The following TRPM8 variants were observed in gnomAD, a reference collection of about 807,000 sequenced individuals.
TRPM8 encodes the protein TRPM8 cationic channel.
Under a neutral mutation model 133.7 loss-of-function variants are expected in TRPM8, and 110 were observed. The observed-to-expected ratio is 0.82, with a 90% CI of 0.70 to 0.96. The LOEUF (loss-of-function observed/expected upper bound fraction) is 0.96. TRPM8 is among the 40% of genes least tolerant of loss of function. The pLI is 0.00. For missense variants in TRPM8, 1,291 were observed against 1,379.5 expected (o/e 0.94, Z 1.02); for synonymous variants, 535 against 532.3 (o/e 1.01, Z -0.07).
chr2:233,953,238 C>T (rs984214178), intron 9 of TRPM8, among the ~76,000 whole-genome samples: 2 of 152,220 alleles, frequency 1.3e-5, no homozygotes, highest in East Asian at 1.9e-4. Context: ...CCAGCGGAGC[C>T]TCTGCAGTTC....
chr2:233,964,423 GTGCC>G (rs1691509148), intron 13 of TRPM8, among the ~76,000 whole-genome samples: 2 of 151,668 alleles, frequency 1.3e-5, no homozygotes, highest in South Asian at 2.1e-4. Context: ...ATGGTGGTGG[GTGCC>G]TATAATCCCA....
At chr2:233,942,478 C>A in intron 5 of TRPM8, 98 bp from the exon 6 acceptor site, 2 of 1,180,944 alleles carry the variant, frequency 1.7e-6, no homozygotes, top group South Asian at 1.3e-5. Flanking sequence ...TGTCCTGATG[C>A]CTACAGGGAT....
At chr2:234,004,723 A>G (rs555648261) in intron 22 of TRPM8, among the ~76,000 whole-genome samples, 13 of 152,382 alleles carry the variant, frequency 8.5e-5, no homozygotes, top group Non-Finnish European at 1.6e-4. Context: ...TTTGAAAAAT[A>G]TAGAAAAGCA....
chr2:233,920,318 G>GTCA (rs1221193194), intron 1 of TRPM8, among the ~76,000 whole-genome samples: 1 of 152,078 alleles, frequency 6.6e-6, no homozygotes, highest in Non-Finnish European at 1.5e-5. Context: ...CTCTATGGTG[G>GTCA]TCATTAAGAT....
intron 4 of TRPM8, among the ~76,000 whole-genome samples, chr2:233,938,598 C>T (rs1274081340): frequency 1.3e-5 from 2 of 152,018 alleles, no homozygotes; most frequent in Admixed American, 1.3e-4. Flanking sequence ...CGGGACAACT[C>T]GAAACGAGAG....
At chr2:234,000,870 G>T (rs930167173) in intron 22 of TRPM8, among the ~76,000 whole-genome samples, 1 of 152,154 alleles carries the variant, frequency 6.6e-6, no homozygotes, top group Admixed American at 6.5e-5. Flanking sequence ...GTAGGGACAG[G>T]TTTCGCCATG....
At chr2:233,995,646 A>G (rs779489302) in intron 21 of TRPM8, among the ~76,000 whole-genome samples, 15 of 152,180 alleles carry the variant, frequency 9.9e-5, no homozygotes, top group Non-Finnish European at 1.6e-4. Flanking sequence ...CATAACTTTA[A>G]TGGCTGCATA....
intron 5 of TRPM8, among the ~76,000 whole-genome samples, chr2:233,940,545 C>T (rs979865547): frequency 6.6e-6 from 1 of 152,078 alleles, no homozygotes; most frequent in Non-Finnish European, 1.5e-5. Flanking sequence ...ACAAAAAGTC[C>T]CTGGGCTGGG....
At chr2:233,936,959 C>T (rs1212542878) in intron 3 of TRPM8, among the ~76,000 whole-genome samples, 5 of 139,304 alleles carry the variant, frequency 3.6e-5, no homozygotes, top group South Asian at 2.2e-4. Context: ...TGCAGTGGCG[C>T]GATCTCAGCT....
chr2:233,978,108 G>A (rs1691915005), intron 17 of TRPM8, among the ~76,000 whole-genome samples: 1 of 149,196 alleles, frequency 6.7e-6, no homozygotes, highest in South Asian at 2.1e-4. Context: ...AATTTCTCAT[G>A]GGCATTCCTG....
Position 233,951,144 on chromosome 2 carries a change from C to A in TRPM8, c.1140+998C>A, listed in dbSNP as rs546701557. On this transcript the variant is annotated intron_variant, in intron 9 of 25. Coordinates refer to ENST00000324695, the MANE Select transcript of TRPM8 (RefSeq NM_024080.5). Reference sequence around the variant, plus strand: ...ACTTGGTAGGTTGAGGTGGGAGAATCATTTGAGCTAGGGAGTTTGAGGCTG... The same window carrying A: ...ACTTGGTAGGTTGAGGTGGGAGAATAATTTGAGCTAGGGAGTTTGAGGCTG... Among the ~76,000 whole-genome samples the A allele has an allele frequency of 9.2e-5, 14 of 152,236 alleles. No individual in the cohort carries two copies. The East Asian group carries it at 2.5e-3, about 27-fold the overall frequency.
At chr2:234,014,725 AT>A (rs909717381) in intron 25 of TRPM8, 71 bp downstream of exon 25, 2 of 538,332 alleles carry the variant, frequency 3.7e-6, no homozygotes, top group Non-Finnish European at 6.3e-6. Context: ...TAAGATCATG[AT>A]TTTTTCCTCA....
At chr2:233,995,796 C>T (rs528423816) in intron 21 of TRPM8, among the ~76,000 whole-genome samples, 1 of 152,052 alleles carries the variant, frequency 6.6e-6, no homozygotes, top group Non-Finnish European at 1.5e-5. Context: ...CATATATATT[C>T]ATTTACATAT....
chr2:234,000,827 C>T (rs958726209), intron 22 of TRPM8, among the ~76,000 whole-genome samples: 1 of 152,124 alleles, frequency 6.6e-6, no homozygotes, highest in Non-Finnish European at 1.5e-5. Context: ...TACAGGCGTG[C>T]ACCACCACGC....
rs73996645 is a variant in TRPM8, at chr2:233,992,670, C to T, written c.2940-3656C>T. On this transcript the variant is annotated intron_variant, in intron 21 of 25. Coordinates refer to ENST00000324695, the MANE Select transcript of TRPM8 (RefSeq NM_024080.5). Reference sequence around the variant, plus strand: ...AGCTAGGTGTTTGCCAGGGACAGGACGCCAAGGGCACAAGATATCGCTGGA... The same window carrying T: ...AGCTAGGTGTTTGCCAGGGACAGGATGCCAAGGGCACAAGATATCGCTGGA... 6.0e-3 allele frequency among the ~76,000 whole-genome samples: 911 copies of T among 152,232 alleles called. 11 individuals are homozygous for T. The highest frequency in any genetic ancestry group is 0.021 in the African/African-American group (861 of 41,522).
At chr2:233,967,291 A>C (rs1210351001) in intron 15 of TRPM8, among the ~76,000 whole-genome samples, 9 of 152,234 alleles carry the variant, frequency 5.9e-5, no homozygotes, top group African/African-American at 2.2e-4. Context: ...TTCTGCACTG[A>C]AGTGAATGAA....
At chr2:234,007,853 G>A (rs1417470281) in intron 23 of TRPM8, among the ~76,000 whole-genome samples, 2 of 152,194 alleles carry the variant, frequency 1.3e-5, no homozygotes, top group East Asian at 3.8e-4. Flanking sequence ...TAGCATTTAT[G>A]TGCTGCACTT....
chr2:233,943,067 CTTTTTTT>C, intron 6 of TRPM8: 23 of 177,720 alleles, frequency 1.3e-4, no homozygotes, highest in East Asian at 3.0e-4. Context: ...ACTGCAGTAT[CTTTTTTT>C]TTTTTTTTTT....
chr2:234,007,437 C>T (rs550789910), intron 23 of TRPM8, among the ~76,000 whole-genome samples: 4 of 152,178 alleles, frequency 2.6e-5, no homozygotes, highest in East Asian at 1.9e-4. Flanking sequence ...ATTTATGAAT[C>T]GCATGAAGCT....
Sources: gnomAD v4.1 joint callset for allele counts (sites outside exome capture counted in the v4.1 genomes callset) on GRCh38, gnomAD v4.1.1 for gene constraint, MANE v1.5 for transcripts, NCBI Gene and HGNC (gene_info 2026-07-23, HGNC 2026-07-21) for gene names.